PIP4K2A: variants seen among roughly 807,000 people sequenced by gnomAD.
PIP4K2A encodes the protein phosphatidylinositol 5-phosphate 4-kinase type-2 alpha.
In PIP4K2A, 14 loss-of-function variants were observed where a neutral mutation model predicts 42.9. The ratio of observed to expected loss-of-function variants is 0.33; its 90% CI spans 0.22 to 0.51. The LOEUF is 0.51. Ranked by LOEUF, PIP4K2A falls within the 20% of genes least tolerant of loss-of-function variation. PIP4K2A has a pLI of 0.97. For missense variants in PIP4K2A, 434 were observed against 519.8 expected, an observed-to-expected ratio of 0.83 and a Z score of 1.61; for synonymous variants, 192 against 192.2, an observed-to-expected ratio of 1.00 and a Z score of 0.01.
rs114065281 is a variant in PIP4K2A at position 22,703,047 on chromosome 10, G to A, written c.144+11136C>T. Among the ~76,000 whole-genome samples the A allele has an allele frequency of 2.2e-3, 335 of 152,196 alleles. 2 individuals are homozygous for A. Among genetic ancestry groups the A allele is most frequent in the African/African-American group, 7.3e-3 (305 of 41,512 alleles). ...TCCCTTAGCTTAGGAGGTCAGAGAG[G>A]CCATCTGAGAAGGCAACCCCTTAGC... On this transcript the variant is annotated intron_variant, in intron 1 of 9. Coordinates refer to ENST00000376573, the MANE Select transcript of PIP4K2A (RefSeq NM_005028.5).
chr10:22,631,455 G>A (rs1838546005), intron 1 of PIP4K2A, among the ~76,000 whole-genome samples: 1 of 152,116 alleles, frequency 6.6e-6, no homozygotes, highest in African/African-American at 2.4e-5. Context: ...TCATCTGCAG[G>A]CCAGAAAGAG....
At chr10:22,625,471 A>C (rs1280471982) in intron 1 of PIP4K2A, among the ~76,000 whole-genome samples, 1 of 152,200 alleles carries the variant, frequency 6.6e-6, no homozygotes, top group Non-Finnish European at 1.5e-5. Flanking sequence ...GTATGCCCTG[A>C]TTTCACATAA....
intron 6 of PIP4K2A, among the ~76,000 whole-genome samples, chr10:22,550,992 G>C (rs1460128167): frequency 6.6e-6 from 1 of 152,172 alleles, no homozygotes; most frequent in African/African-American, 2.4e-5. Flanking sequence ...CAAGAGCAGT[G>C]GGGTGGGGGT....
At chr10:22,560,493 C>G (rs937501931) in intron 6 of PIP4K2A, among the ~76,000 whole-genome samples, 32 of 152,218 alleles carry the variant, frequency 2.1e-4, no homozygotes, top group African/African-American at 6.0e-4. Context: ...GATTAATCCT[C>G]TCGAACCCTC....
intron 1 of PIP4K2A, among the ~76,000 whole-genome samples, chr10:22,667,873 GTGTGTGTGTGT>G: frequency 1.4e-5 from 1 of 73,102 alleles, no homozygotes; most frequent in Non-Finnish European, 3.2e-5. Flanking sequence ...TTCTGTGTGT[GTGTGTGTGTGT>G]GTGTGTGTGT....
rs1248671429 is a variant in PIP4K2A at position 22,584,326 on chromosome 10, A to C, written c.492+7303T>G. On this transcript the variant is annotated intron_variant, in intron 4 of 9. Coordinates refer to ENST00000376573, the MANE Select transcript of PIP4K2A (RefSeq NM_005028.5). ...AAAAAGATAATTGTTGAAATTAAAA[A>C]AAAAAAAGATTAGAACAGTTGAAGA... Among the ~76,000 whole-genome samples the C allele has an allele frequency of 2.0e-5, 3 of 152,346 alleles. No homozygotes were observed. The East Asian group carries it at 5.8e-4, about 29-fold the overall frequency.
At chr10:22,597,514 T>G (rs543799270) in intron 3 of PIP4K2A, among the ~76,000 whole-genome samples, 1 of 152,160 alleles carries the variant, frequency 6.6e-6, no homozygotes, top group Admixed American at 6.6e-5. Flanking sequence ...CCCATCCACT[T>G]TCTCTGCTTA....
At chr10:22,707,705 C>T (rs974432206) in intron 1 of PIP4K2A, among the ~76,000 whole-genome samples, 1 of 152,194 alleles carries the variant, frequency 6.6e-6, no homozygotes, top group South Asian at 2.1e-4. Context: ...GGCGGGTAAT[C>T]AATTCAGCCT....
At chr10:22,579,913 GA>G (rs58793923) in intron 4 of PIP4K2A, among the ~76,000 whole-genome samples, 3,387 of 147,370 alleles carry the variant, frequency 0.023, 190 homozygotes, top group African/African-American at 0.08. Flanking sequence ...CGTCTGAGAA[GA>G]AAAAAAAGAA....
chr10:22,582,891 TAAAAAAAAAAA>T (rs57477195), intron 4 of PIP4K2A, among the ~76,000 whole-genome samples: 1 of 118,682 alleles, frequency 8.4e-6, no homozygotes, highest in Admixed American at 8.2e-5. Flanking sequence ...CGTCTTGAAG[TAAAAAAAAAAA>T]AAAAAAAAAA....
intron 1 of PIP4K2A, among the ~76,000 whole-genome samples, chr10:22,625,942 A>G (rs749797467): frequency 1.1e-4 from 17 of 152,224 alleles, no homozygotes; most frequent in Non-Finnish European, 2.1e-4. Flanking sequence ...AAGAAAAGGT[A>G]GATTCAGACT....
intron 3 of PIP4K2A, among the ~76,000 whole-genome samples, chr10:22,595,807 T>A (rs1837621297): frequency 2.0e-5 from 3 of 152,166 alleles, no homozygotes; most frequent in Admixed American, 6.5e-5. Context: ...TTGCATTTAG[T>A]CTCTTTGAGC....
At chr10:22,587,493 A>G (rs1447114608) in intron 4 of PIP4K2A, among the ~76,000 whole-genome samples, 1 of 152,194 alleles carries the variant, frequency 6.6e-6, no homozygotes, top group Non-Finnish European at 1.5e-5. Flanking sequence ...CAAACCCTAA[A>G]AGTACTCTAG....
At chr10:22,601,360 G>C (rs1588655795) in intron 3 of PIP4K2A, among the ~76,000 whole-genome samples, 1 of 152,104 alleles carries the variant, frequency 6.6e-6, no homozygotes. Flanking sequence ...GGTAGGAACA[G>C]TAATTTGCTC....
At chr10:22,691,368 A>G (rs988070990) in intron 1 of PIP4K2A, among the ~76,000 whole-genome samples, 5 of 152,012 alleles carry the variant, frequency 3.3e-5, no homozygotes, top group Non-Finnish European at 4.4e-5. Flanking sequence ...ACAGAGCCCT[A>G]TGTTTATTCT....
At chr10:22,664,625 C>T (rs1839313816) in intron 1 of PIP4K2A, among the ~76,000 whole-genome samples, 1 of 151,830 alleles carries the variant, frequency 6.6e-6, no homozygotes, top group African/African-American at 2.4e-5. Flanking sequence ...TTGGTATATA[C>T]ATGCTTTTAA....
chr10:22,619,191 A>T (rs1321329830), intron 1 of PIP4K2A, among the ~76,000 whole-genome samples: 2 of 152,184 alleles, frequency 1.3e-5, no homozygotes, highest in Non-Finnish European at 2.9e-5. Context: ...TGAAGTTCTA[A>T]TATGATTCAG....
At chr10:22,618,789 A>T (rs1038726752) in intron 1 of PIP4K2A, among the ~76,000 whole-genome samples, 1 of 152,176 alleles carries the variant, frequency 6.6e-6, no homozygotes, top group African/African-American at 2.4e-5. Flanking sequence ...ACACAGAATT[A>T]CCCACATTAG....
intron 2 of PIP4K2A, among the ~76,000 whole-genome samples, chr10:22,608,721 T>A (rs1837963922): frequency 6.6e-6 from 1 of 151,970 alleles, no homozygotes; most frequent in Non-Finnish European, 1.5e-5. Flanking sequence ...AAAAGTTTTT[T>A]AAAAAATCAG....
Sources: gnomAD v4.1 joint callset for allele counts (sites outside exome capture counted in the v4.1 genomes callset) on GRCh38, gnomAD v4.1.1 for gene constraint, MANE v1.5 for transcripts, NCBI Gene and HGNC (gene_info 2026-07-23, HGNC 2026-07-21) for gene names.